TRAPPC9: variants seen among roughly 807,000 people sequenced by gnomAD.
TRAPPC9 encodes trafficking protein particle complex subunit 9.
Under a neutral mutation model 124.0 loss-of-function variants are expected in TRAPPC9, and 83 were observed. The observed-to-expected ratio is 0.67, with a 90% CI of 0.56 to 0.80. The LOEUF (loss-of-function observed/expected upper bound fraction) is 0.80, where lower values mean the gene tolerates loss of function less well. TRAPPC9 is among the 30% of genes least tolerant of loss of function. TRAPPC9 has a pLI of 0.00. For synonymous variants in TRAPPC9, 638 were observed against 617.5 expected, an observed-to-expected ratio of 1.03 and a Z score of -0.49; for missense variants, 1,302 against 1,508.3, an observed-to-expected ratio of 0.86 and a Z score of 2.27.
At chr8:140,013,617 G>T (rs1839273989) in intron 18 of TRAPPC9, among the ~76,000 whole-genome samples, 1 of 152,222 alleles carries the variant, frequency 6.6e-6, no homozygotes, top group Non-Finnish European at 1.5e-5. Context: ...GCTGAGGTCA[G>T]TGATGTCCTT....
intron 19 of TRAPPC9, among the ~76,000 whole-genome samples, chr8:139,925,827 G>GCACACGCACACA (rs1554673866): frequency 1.8e-3 from 124 of 68,756 alleles, no homozygotes; most frequent in African/African-American, 4.7e-3. Context: ...ACACGCACAC[G>GCACACGCACACA]CACACACACA....
chr8:139,903,597 GCTGCT>G (rs1831156843), intron 20 of TRAPPC9, among the ~76,000 whole-genome samples: 1 of 152,230 alleles, frequency 6.6e-6, no homozygotes, highest in Admixed American at 6.5e-5. Context: ...TCTGTGCAGG[GCTGCT>G]CTGGAAAAGG....
chr8:140,107,675 A>G (rs1464427055), intron 17 of TRAPPC9, among the ~76,000 whole-genome samples: 1 of 152,232 alleles, frequency 6.6e-6, no homozygotes, highest in Non-Finnish European at 1.5e-5. Context: ...AGCATGGCCA[A>G]GGCTTACAGG....
intron 16 of TRAPPC9, among the ~76,000 whole-genome samples, chr8:140,222,028 T>C (rs2063348242): frequency 6.6e-6 from 1 of 152,172 alleles, no homozygotes; most frequent in African/African-American, 2.4e-5. Flanking sequence ...GCATCAGTCC[T>C]TAAAAAGGAC....
chr8:140,005,425 G>A (rs567187514), intron 18 of TRAPPC9, among the ~76,000 whole-genome samples: 11 of 152,290 alleles, frequency 7.2e-5, no homozygotes, highest in African/African-American at 2.6e-4. Context: ...GGAAGGTTCC[G>A]AAAGGAAGTG....
At chr8:140,387,390 G>A (rs926598548) in intron 7 of TRAPPC9, among the ~76,000 whole-genome samples, 13 of 152,092 alleles carry the variant, frequency 8.5e-5, no homozygotes, top group Admixed American at 2.0e-4. Context: ...TAATTAAACT[G>A]AAGAGCTTCT....
intron 17 of TRAPPC9, among the ~76,000 whole-genome samples, chr8:140,189,489 C>T (rs1273674260): frequency 3.3e-5 from 5 of 152,142 alleles, no homozygotes. Flanking sequence ...AATAAGCTTG[C>T]ATAGGATAAG....
At chr8:140,422,895 A>G (rs1394106185) in intron 5 of TRAPPC9, among the ~76,000 whole-genome samples, 1 of 152,214 alleles carries the variant, frequency 6.6e-6, no homozygotes, top group Non-Finnish European at 1.5e-5. Context: ...GATGCACATC[A>G]TTAGCTACGA....
chr8:140,179,517 G>A (rs1238137630), intron 17 of TRAPPC9, among the ~76,000 whole-genome samples: 1 of 152,008 alleles, frequency 6.6e-6, no homozygotes, highest in Non-Finnish European at 1.5e-5. Flanking sequence ...CTTACCAAAT[G>A]TTCAATGTGT....
In TRAPPC9 at chr8:139,825,764, T is replaced by G. The variant is rs1466277734; in HGVS notation, c.3055+60115A>C. The stretch of plus-strand genomic sequence containing the variant: ...TGCCCGGAAGGAAAAAGGGAGGCAA[T>G]TCCGAAGAGCAGACGAGCCTCCGAG... On this transcript the variant is annotated intron_variant, in intron 21 of 22. Coordinates refer to ENST00000438773, the MANE Select transcript of TRAPPC9 (RefSeq NM_001160372.4). The surrounding 1 kb of genome is among the most constrained non-coding windows in gnomAD (Gnocchi z 4.6). Among the ~76,000 whole-genome samples the G allele has an allele frequency of 1.3e-5, 2 of 151,622 alleles. No homozygotes were observed. Among genetic ancestry groups the G allele is most frequent in the East Asian group, 2.0e-4 (1 of 5,098 alleles).
At chr8:140,311,516 C>A in intron 9 of TRAPPC9, 142 bp from the exon 10 acceptor site, 1 of 894,938 alleles carries the variant, frequency 1.1e-6, no homozygotes, top group Non-Finnish European at 1.7e-6. Context: ...CAAAAGAGAC[C>A]AGAACAAAGC....
intron 19 of TRAPPC9, among the ~76,000 whole-genome samples, chr8:139,953,671 G>A (rs1834803945): frequency 6.6e-6 from 1 of 152,154 alleles, no homozygotes; most frequent in Non-Finnish European, 1.5e-5. Flanking sequence ...TTAACAGCCT[G>A]TATCTAGAGT....
intron 19 of TRAPPC9, among the ~76,000 whole-genome samples, chr8:139,945,878 CAGAT>C (rs374749370): frequency 7.9e-5 from 12 of 152,264 alleles, no homozygotes; most frequent in African/African-American, 2.6e-4. Flanking sequence ...GATGGACTAA[CAGAT>C]GGATAAAAAG....
chr8:139,870,123 G>A (rs1319261689), intron 21 of TRAPPC9, among the ~76,000 whole-genome samples: 3 of 152,166 alleles, frequency 2.0e-5, no homozygotes, highest in African/African-American at 7.2e-5. Context: ...ACAGAAGAGA[G>A]TCCAACAATT....
At chr8:140,058,888 C>T (rs915540324) in intron 17 of TRAPPC9, among the ~76,000 whole-genome samples, 1 of 152,096 alleles carries the variant, frequency 6.6e-6, no homozygotes, top group African/African-American at 2.4e-5. Flanking sequence ...AGGGCCTTTG[C>T]GGCAGTGGGT....
In TRAPPC9 at chr8:140,423,579, T is replaced by TACACACACACACAC. The variant is rs35333495; in HGVS notation, c.886+3022_886+3035dup. ...GAATATGGAAAAACAAAATGTGGCATACACACACACACACACACACACACA... is the reference window on the plus strand; with the variant it reads ...GAATATGGAAAAACAAAATGTGGCATACACACACACACACACACACACACACACACACACACACA... On this transcript the variant is annotated intron_variant, in intron 5 of 22. Transcript: ENST00000438773. Among the ~76,000 whole-genome samples the TACACACACACACAC allele has an allele frequency of 4.1e-3, 603 of 145,422 alleles. 1 individual carries two copies. Among genetic ancestry groups the TACACACACACACAC allele is most frequent in the Middle Eastern group, 0.022 (6 of 278 alleles).
chr8:139,760,584 C>T (rs551239336), intron 21 of TRAPPC9, among the ~76,000 whole-genome samples: 19 of 152,334 alleles, frequency 1.2e-4, no homozygotes, highest in East Asian at 9.7e-4. Flanking sequence ...GAGAATCCTA[C>T]GAAGTCGGTT....
intron 17 of TRAPPC9, among the ~76,000 whole-genome samples, chr8:140,154,736 G>A (rs962761261): frequency 1.3e-5 from 2 of 152,112 alleles, no homozygotes; most frequent in South Asian, 2.1e-4. Flanking sequence ...TTTTATCTCA[G>A]TTTGAAGTAA....
chr8:139,958,975 A>T (rs1835189444), intron 19 of TRAPPC9, among the ~76,000 whole-genome samples: 3 of 151,402 alleles, frequency 2.0e-5, no homozygotes, highest in Non-Finnish European at 4.4e-5. Flanking sequence ...CTGCATTCCG[A>T]GTCACACGGG....
Sources: gnomAD v4.1 joint callset for allele counts (sites outside exome capture counted in the v4.1 genomes callset) on GRCh38, gnomAD v4.1.1 for gene constraint, Gnocchi (gnomAD v3.1) non-coding constraint, MANE v1.5 for transcripts, NCBI Gene and HGNC (gene_info 2026-07-23, HGNC 2026-07-21) for gene names.